Variants in PTBP2 observed in about 807,000 individuals in gnomAD.
The protein encoded by PTBP2 is polypyrimidine tract-binding protein 2.
PTBP2 carries 13 observed loss-of-function variants against 61.4 expected under a neutral mutation model. That is an observed-to-expected ratio of 0.21 (90% CI 0.14 to 0.34). PTBP2 has a LOEUF of 0.34. Ranked by LOEUF, PTBP2 falls within the 10% of genes least tolerant of loss-of-function variation. The pLI is 1.00. For missense variants in PTBP2, 405 were observed against 642.6 expected (o/e 0.63, Z 4.00); for synonymous variants, 215 against 218.5 (o/e 0.98, Z 0.14).
exon 14 of PTBP2, chr1:96,820,258 G>A (rs935766087): frequency 6.6e-6 from 1 of 151,914 alleles, no homozygotes; most frequent in Non-Finnish European, 1.5e-5. Context: ...TTTTCCCTAA[G>A]ATCATTTTGA....
rs1427296191 is a variant in PTBP2 at position 96,814,691 on chromosome 1, A to G, written c.*1286A>G. 9 of 152,538 alleles carry G rather than the reference A, an allele frequency of 5.9e-5. No individual in the cohort carries two copies. The highest frequency in any genetic ancestry group is 5.9e-4 in the Admixed American group (9 of 15,270). 9.4% of individuals were successfully genotyped at this position (152,538 alleles called of 1,614,324 possible). Reference sequence around the variant, plus strand: ...AGATTCTGTTATCTATGTAGACAGAATGGTCATGTATATTTTCTATTAGTT... The same window carrying G: ...AGATTCTGTTATCTATGTAGACAGAGTGGTCATGTATATTTTCTATTAGTT... On this transcript the variant is annotated 3_prime_UTR_variant, in exon 14 of 14. Coordinates refer to ENST00000674951, the MANE Select transcript of PTBP2 (RefSeq NM_021190.4).
chr1:96,745,195 C>T (rs997735062), intron 2 of PTBP2, among the ~76,000 whole-genome samples: 4 of 150,150 alleles, frequency 2.7e-5, no homozygotes, highest in Non-Finnish European at 5.9e-5. Context: ...TAGAGTCTTG[C>T]TCTGATACCC....
chr1:96,755,027 A>G (rs960862388), intron 3 of PTBP2, among the ~76,000 whole-genome samples: 2 of 152,246 alleles, frequency 1.3e-5, no homozygotes, highest in African/African-American at 2.4e-5. Context: ...CTGCCATTCA[A>G]AAGAAACTGC....
intron 2 of PTBP2, among the ~76,000 whole-genome samples, chr1:96,745,413 C>T (rs1448837877): frequency 1.3e-5 from 2 of 152,128 alleles, no homozygotes; most frequent in Non-Finnish European, 2.9e-5. Flanking sequence ...CCGTCTGCCT[C>T]GGCCTCCCAA....
At chr1:96,793,659 C>T (rs1660084231) in intron 8 of PTBP2, among the ~76,000 whole-genome samples, 1 of 152,198 alleles carries the variant, frequency 6.6e-6, no homozygotes, top group South Asian at 2.1e-4. Context: ...TCATGAGCCA[C>T]CGTGCCTGGC....
At chr1:96,770,104 A>C (rs955315841) in intron 4 of PTBP2, among the ~76,000 whole-genome samples, 1 of 152,052 alleles carries the variant, frequency 6.6e-6, no homozygotes, top group Non-Finnish European at 1.5e-5. Context: ...CTCTAATTGA[A>C]TAATTGTTAT....
chr1:96,777,283 C>G (rs1658142859), intron 5 of PTBP2, among the ~76,000 whole-genome samples: 1 of 152,082 alleles, frequency 6.6e-6, no homozygotes, highest in African/African-American at 2.4e-5. Flanking sequence ...TCTGATGGTA[C>G]ATGTATTTAT....
intron 2 of PTBP2, among the ~76,000 whole-genome samples, chr1:96,745,537 A>G (rs1185512271): frequency 6.6e-6 from 1 of 152,050 alleles, no homozygotes; most frequent in African/African-American, 2.4e-5. Context: ...TATTTTTTCA[A>G]TATGGATTTT....
At chr1:96,761,851 A>G (rs1437985850) in intron 3 of PTBP2, among the ~76,000 whole-genome samples, 1 of 152,060 alleles carries the variant, frequency 6.6e-6, no homozygotes, top group Non-Finnish European at 1.5e-5. Flanking sequence ...CAAGTGAACA[A>G]AGGTCTCTGG....
chr1:96,818,010 C>G (rs1202033079), downstream of PTBP2: 2 of 151,948 alleles, frequency 1.3e-5, no homozygotes, highest in East Asian at 3.9e-4. Context: ...GTCATTTGGG[C>G]CTCAGGTTTC....
intron 11 of PTBP2, 75 bp from the exon 12 acceptor site, chr1:96,812,637 A>G: frequency 8.5e-7 from 1 of 1,177,696 alleles, no homozygotes; most frequent in Non-Finnish European, 1.2e-6. Flanking sequence ...AAATTTTTAA[A>G]CTGTTACGTT....
At chr1:96,798,144 G>A (rs1291821941) in intron 8 of PTBP2, among the ~76,000 whole-genome samples, 1 of 151,668 alleles carries the variant, frequency 6.6e-6, no homozygotes, top group Non-Finnish European at 1.5e-5. Flanking sequence ...TCCCAGTCAT[G>A]CCTGTAATCC....
At chr1:96,791,836 T>TTTTTTTTTGTTTTTTTTTTG (rs1557759245) in intron 8 of PTBP2, among the ~76,000 whole-genome samples, 18 of 135,990 alleles carry the variant, frequency 1.3e-4, no homozygotes, top group Admixed American at 3.0e-4. Flanking sequence ...CTTTTTTTTT[T>TTTTTTTTTGTTTTTTTTTTG]TTTTTTTTTT....
intron 7 of PTBP2, among the ~76,000 whole-genome samples, chr1:96,783,248 C>T (rs146949509): frequency 6.6e-6 from 1 of 152,096 alleles, no homozygotes; most frequent in East Asian, 1.9e-4. Context: ...CTCTCATACA[C>T]CCTCAGCTCC....
chr1:96,731,576 G>T (rs1210095707), intron 2 of PTBP2, among the ~76,000 whole-genome samples: 2 of 151,910 alleles, frequency 1.3e-5, no homozygotes, highest in African/African-American at 4.8e-5. Flanking sequence ...TTTAAATTAG[G>T]ATTTTAATAG....
Position 96,733,554 on chromosome 1 carries a change from C to T in PTBP2, c.39+9960C>T, listed in dbSNP as rs1651737807. On this transcript the variant is annotated intron_variant, in intron 2 of 13. Transcript: ENST00000674951. ...AATTAGATAGATCTGGTGGCATGGG[C>T]CTGTAGTCCCAGCTACTTGGGAGGC... Among the ~76,000 whole-genome samples the T allele has an allele frequency of 2.0e-5, 3 of 152,178 alleles. No individual in the cohort carries two copies. In the South Asian group the frequency reaches 6.2e-4, roughly 32 times the overall value.
At chr1:96,777,427 T>C (rs1658161688) in intron 5 of PTBP2, among the ~76,000 whole-genome samples, 158 bp from the exon 6 acceptor site, 1 of 152,224 alleles carries the variant, frequency 6.6e-6, no homozygotes, top group African/African-American at 2.4e-5. Flanking sequence ...AGGTAGTACC[T>C]GGCTCATGGC....
At chr1:96,809,046 CAG>C (rs1169182702) in intron 11 of PTBP2, among the ~76,000 whole-genome samples, 3 of 152,218 alleles carry the variant, frequency 2.0e-5, no homozygotes, top group South Asian at 4.2e-4. Flanking sequence ...TAACTTAAGA[CAG>C]AATTGATAAA....
chr1:96,800,996 T>G (rs1660931625), intron 8 of PTBP2, among the ~76,000 whole-genome samples: 1 of 152,160 alleles, frequency 6.6e-6, no homozygotes, highest in Non-Finnish European at 1.5e-5. Context: ...CTTTAAATTT[T>G]TTTGGTAAGT....
Sources: gnomAD v4.1 joint callset for allele counts (sites outside exome capture counted in the v4.1 genomes callset) on GRCh38, gnomAD v4.1.1 for gene constraint, MANE v1.5 for transcripts, NCBI Gene and HGNC (gene_info 2026-07-23, HGNC 2026-07-21) for gene names.